PTPRN2: variants seen among roughly 807,000 people sequenced by gnomAD.
PTPRN2 encodes receptor-type tyrosine-protein phosphatase N2.
In PTPRN2, 74 loss-of-function variants were observed where a neutral mutation model predicts 118.8. The ratio of observed to expected loss-of-function variants is 0.62; its 90% CI spans 0.52 to 0.76. PTPRN2 has a LOEUF of 0.76. Ranked by LOEUF, PTPRN2 falls within the 30% of genes least tolerant of loss-of-function variation. The pLI, the probability that PTPRN2 is intolerant of heterozygous loss-of-function variation, is 0.00. For missense variants in PTPRN2, 1,481 were observed against 1,394.4 expected, an observed-to-expected ratio of 1.06 and a Z score of -0.99; for synonymous variants, 641 against 608.0, an observed-to-expected ratio of 1.05 and a Z score of -0.80.
chr7:158,211,080 AG>A (rs1247775476), intron 3 of PTPRN2, among the ~76,000 whole-genome samples: 1 of 152,198 alleles, frequency 6.6e-6, no homozygotes, highest in Non-Finnish European at 1.5e-5. Context: ...GGGATAGGAC[AG>A]TCTCTTCTAT....
At chr7:157,969,874 A>G (rs926608505) in intron 11 of PTPRN2, among the ~76,000 whole-genome samples, 17 of 152,044 alleles carry the variant, frequency 1.1e-4, no homozygotes, top group Non-Finnish European at 1.6e-4. Context: ...AAATGAACGG[A>G]GGGTCTTGGG....
chr7:158,502,230 C>G (rs538069021), intron 1 of PTPRN2, among the ~76,000 whole-genome samples: 6 of 152,202 alleles, frequency 3.9e-5, no homozygotes, highest in Non-Finnish European at 7.3e-5. Context: ...AACACAGCCA[C>G]GCCCACTTGC....
intron 2 of PTPRN2, among the ~76,000 whole-genome samples, chr7:158,341,748 C>T (rs1325096378): frequency 2.1e-5 from 3 of 145,094 alleles, no homozygotes; most frequent in South Asian, 2.1e-4. Context: ...TCACTCACAC[C>T]GACACTCTCA....
In PTPRN2 at chr7:158,146,093, T is replaced by C. The variant is rs1174421362; in HGVS notation, c.911-7578A>G. Among the ~76,000 whole-genome samples, 6 of 152,212 alleles carry C rather than the reference T, an allele frequency of 3.9e-5. No homozygotes were observed. In the East Asian group the frequency reaches 1.2e-3, roughly 29 times the overall value. On this transcript the variant is annotated intron_variant, in intron 6 of 22. Coordinates refer to ENST00000389418, the MANE Select transcript of PTPRN2 (RefSeq NM_002847.5). ...CTTTCCCATCCATTCTGAAAACAAA[T>C]ACTTGGTTCTCCATGAGAAGCTCTC... is the stretch of plus-strand genomic sequence containing the variant.
chr7:158,176,339 C>T (rs1338914359), intron 5 of PTPRN2, among the ~76,000 whole-genome samples: 1 of 152,116 alleles, frequency 6.6e-6, no homozygotes, highest in Non-Finnish European at 1.5e-5. Flanking sequence ...GCTTTACATG[C>T]CTTAATTTTC....
At position 157,889,409 on chromosome 7, in the gene PTPRN2, C is replaced by T. The variant is rs561360403; in HGVS notation, c.1788+9264G>A. 4.5e-4 allele frequency among the ~76,000 whole-genome samples: 69 copies of T among 152,312 alleles called. 1 individual carries two copies. Among genetic ancestry groups the T allele is most frequent in the African/African-American group, 1.6e-3 (65 of 41,550 alleles). On this transcript the variant is annotated intron_variant, in intron 12 of 22. Coordinates refer to ENST00000389418, the MANE Select transcript of PTPRN2 (RefSeq NM_002847.5). ...TATCCACCAAGTGCCTGAAACTGCT[C>T]TTCCTTTTATGGTTTCGACCCAACA...
intron 10 of PTPRN2, among the ~76,000 whole-genome samples, chr7:158,085,186 G>C (rs537812094): frequency 2.2e-4 from 23 of 106,034 alleles, no homozygotes; most frequent in African/African-American, 7.0e-4. Context: ...CCACACCCAC[G>C]ACGCCCATCC....
At chr7:157,967,029 C>T (rs973106369) in intron 11 of PTPRN2, among the ~76,000 whole-genome samples, 20 of 152,204 alleles carry the variant, frequency 1.3e-4, no homozygotes, top group African/African-American at 4.6e-4. Context: ...CTTAAAAAAC[C>T]CACAGGCTGG....
chr7:157,710,092 G>A (rs899992199), intron 12 of PTPRN2, among the ~76,000 whole-genome samples: 2 of 152,142 alleles, frequency 1.3e-5, no homozygotes, highest in Non-Finnish European at 2.9e-5. Flanking sequence ...GAGACACAGG[G>A]TCGGCCGTGA....
At chr7:157,735,838 GC>G (rs1052520567) in intron 12 of PTPRN2, among the ~76,000 whole-genome samples, 1 of 152,130 alleles carries the variant, frequency 6.6e-6, no homozygotes, top group Non-Finnish European at 1.5e-5. Flanking sequence ...GGGAAAGGAG[GC>G]CCCCGTGAGG....
chr7:157,609,872 C>G lies in PTPRN2; in HGVS notation c.2345-5797G>C, dbSNP rs1802230119. On this transcript the variant is annotated intron_variant, in intron 15 of 22. Coordinates refer to ENST00000389418, the MANE Select transcript of PTPRN2 (RefSeq NM_002847.5). The surrounding 1 kb of genome is among the most constrained non-coding windows in gnomAD (Gnocchi z 4.9). Reference sequence around the variant, plus strand: ...TAGATGCCAACAGAAGAGACACATCCCACAATTTCTTGTTGATTATTACTA... The same window carrying G: ...TAGATGCCAACAGAAGAGACACATCGCACAATTTCTTGTTGATTATTACTA... Among the ~76,000 whole-genome samples, 1 of 152,174 alleles carries G rather than the reference C, an allele frequency of 6.6e-6. No individual in the cohort carries two copies. The highest frequency in any genetic ancestry group is 2.1e-4 in the South Asian group (1 of 4,826).
At chr7:157,640,604 G>A (rs947265792) in intron 14 of PTPRN2, among the ~76,000 whole-genome samples, 1 of 152,140 alleles carries the variant, frequency 6.6e-6, no homozygotes, top group Admixed American at 6.5e-5. Context: ...AGGACACAAG[G>A]AAACTCCAAA....
rs563119503 is a variant in PTPRN2, at chr7:158,270,743, A to G, written c.277+46076T>C. Among the ~76,000 whole-genome samples, 33 of 145,910 alleles carry G rather than the reference A, an allele frequency of 2.3e-4. 1 individual carries two copies. The highest frequency in any genetic ancestry group is 7.7e-4 in the African/African-American group (29 of 37,426). On this transcript the variant is annotated intron_variant, in intron 3 of 22. Transcript: ENST00000389418. ...CTCCCTGGGGTGCCTTCTCTACCTG[A>G]GCCGTCTTCTCCACCTGGACCACCC...
intron 21 of PTPRN2, among the ~76,000 whole-genome samples, chr7:157,556,422 T>G (rs1798885525): frequency 6.8e-6 from 1 of 146,176 alleles, no homozygotes; most frequent in Non-Finnish European, 1.5e-5. Context: ...CATACGCACA[T>G]GCACACACAC....
chr7:158,201,056 G>GTT lies in PTPRN2; in HGVS notation c.380+4114_380+4115insAA, dbSNP rs112552696. On this transcript the variant is annotated intron_variant, in intron 4 of 22. Transcript: ENST00000389418. ...CATGTTACAAGGGTGAAAAAAAAGT[G>GTT]GTTTTTTTTTTTTGAGACAGGGTCT... 6.3e-3 allele frequency among the ~76,000 whole-genome samples: 938 copies of GTT among 149,410 alleles called. 16 individuals carry two copies. The highest frequency in any genetic ancestry group is 0.015 in the African/African-American group (606 of 40,464).
At position 157,910,178 on chromosome 7, in the gene PTPRN2, G is replaced by A. The variant is rs534106505; in HGVS notation, c.1724-11441C>T. 2.0e-4 allele frequency among the ~76,000 whole-genome samples: 30 copies of A among 152,360 alleles called. 1 individual carries two copies. The South Asian group carries it at 5.4e-3, about 27-fold the overall frequency. ...GCCATGAGCACGGGTGCAGGATCACGCATGTACGCCGTGGGAATGCGTGCA... is the reference window on the plus strand; with the variant it reads ...GCCATGAGCACGGGTGCAGGATCACACATGTACGCCGTGGGAATGCGTGCA... On this transcript the variant is annotated intron_variant, in intron 11 of 22. Coordinates refer to ENST00000389418, the MANE Select transcript of PTPRN2 (RefSeq NM_002847.5).
intron 1 of PTPRN2, among the ~76,000 whole-genome samples, chr7:158,516,120 A>G (rs977176404): frequency 6.6e-6 from 1 of 152,124 alleles, no homozygotes; most frequent in Non-Finnish European, 1.5e-5. Flanking sequence ...AAGGCCTCCT[A>G]AGGAGTCTCC....
chr7:158,251,643 A>G (rs4909056), intron 3 of PTPRN2, among the ~76,000 whole-genome samples: 98,006 of 133,670 alleles, frequency 0.73, 34,317 homozygotes, highest in African/African-American at 0.77. Flanking sequence ...TATGGTGCAC[A>G]TGTGGTGTGC....
At chr7:157,767,739 T>C (rs771739640) in intron 12 of PTPRN2, among the ~76,000 whole-genome samples, 3 of 152,174 alleles carry the variant, frequency 2.0e-5, no homozygotes, top group Non-Finnish European at 4.4e-5. Context: ...ACGCTGTGTG[T>C]GTGTGGAGGC....
Sources: gnomAD v4.1 joint callset for allele counts (sites outside exome capture counted in the v4.1 genomes callset) on GRCh38, gnomAD v4.1.1 for gene constraint, Gnocchi (gnomAD v3.1) non-coding constraint, MANE v1.5 for transcripts, NCBI Gene and HGNC (gene_info 2026-07-23, HGNC 2026-07-21) for gene names.